FYN: variants seen among roughly 807,000 people sequenced by gnomAD.
The protein encoded by FYN is tyrosine-protein kinase Fyn.
FYN carries 10 observed loss-of-function variants against 70.2 expected under a neutral mutation model. The ratio of observed to expected loss-of-function variants is 0.14; its 90% CI spans 0.09 to 0.24. The LOEUF (loss-of-function observed/expected upper bound fraction) is 0.24, where lower values mean the gene tolerates loss of function less well. Among genes scored for constraint, FYN ranks in the 10% least tolerant of loss-of-function variants. The pLI is 1.00. For synonymous variants in FYN, 236 were observed against 248.6 expected, an observed-to-expected ratio of 0.95 and a Z score of 0.48; for missense variants, 319 against 673.1, an observed-to-expected ratio of 0.47 and a Z score of 5.82.
chr6:111,871,431 T>C (rs546945688), intron 1 of FYN, among the ~76,000 whole-genome samples: 9 of 152,188 alleles, frequency 5.9e-5, no homozygotes, highest in Non-Finnish European at 1.2e-4. Flanking sequence ...AGAAAGGAAG[T>C]AGGCGTCCCA....
At chr6:111,732,912 C>T (rs750412651) in intron 3 of FYN, among the ~76,000 whole-genome samples, 1 of 152,204 alleles carries the variant, frequency 6.6e-6, no homozygotes, top group African/African-American at 2.4e-5. Context: ...GCACCCACCA[C>T]TGACCCCAAC....
chr6:111,830,090 T>C (rs796759739), intron 2 of FYN, among the ~76,000 whole-genome samples: 6 of 152,288 alleles, frequency 3.9e-5, no homozygotes, highest in African/African-American at 1.4e-4. Context: ...ACAGATGGTA[T>C]GGAAAAGTTG....
intron 3 of FYN, among the ~76,000 whole-genome samples, chr6:111,756,296 T>C (rs190231289): frequency 2.6e-5 from 4 of 152,074 alleles, no homozygotes; most frequent in East Asian, 3.9e-4. Context: ...GACAGAAACC[T>C]GAATAGTCTA....
At chr6:111,808,165 G>A (rs895937382) in intron 2 of FYN, among the ~76,000 whole-genome samples, 3 of 152,118 alleles carry the variant, frequency 2.0e-5, no homozygotes, top group African/African-American at 7.2e-5. Context: ...AGTCCCTCTG[G>A]AACCACTCAG....
At chr6:111,792,221 A>C (rs1394649145) in intron 2 of FYN, among the ~76,000 whole-genome samples, 1 of 152,240 alleles carries the variant, frequency 6.6e-6, no homozygotes, top group Non-Finnish European at 1.5e-5. Context: ...AGAAAATCCA[A>C]ATGGCCAATA....
intron 5 of FYN, among the ~76,000 whole-genome samples, chr6:111,713,474 T>C (rs1245259530): frequency 2.0e-5 from 3 of 152,040 alleles, no homozygotes; most frequent in Non-Finnish European, 4.4e-5. Context: ...CTGGGTGGCA[T>C]TCTTTCCCAA....
At chr6:111,814,901 T>G (rs1199979868) in intron 2 of FYN, among the ~76,000 whole-genome samples, 2 of 152,198 alleles carry the variant, frequency 1.3e-5, no homozygotes, top group South Asian at 4.1e-4. Context: ...TCTCAACTTT[T>G]AAAAAAATTG....
At chr6:111,833,645 T>C (rs9487731) in intron 2 of FYN, among the ~76,000 whole-genome samples, 51,789 of 152,144 alleles carry the variant, frequency 0.34, 13,165 homozygotes, top group African/African-American at 0.72. Flanking sequence ...AAAATCTACA[T>C]CCTTCTCTTC....
chr6:111,868,019 T>C (rs1774163995), intron 1 of FYN, among the ~76,000 whole-genome samples: 1 of 152,130 alleles, frequency 6.6e-6, no homozygotes, highest in South Asian at 2.1e-4. Context: ...TGGGCTGTTC[T>C]TTCTGGGACA....
At chr6:111,679,787 T>G (rs1798708130) in intron 12 of FYN, among the ~76,000 whole-genome samples, 1 of 152,016 alleles carries the variant, frequency 6.6e-6, no homozygotes, top group Non-Finnish European at 1.5e-5. Flanking sequence ...AAAGGAAGTG[T>G]GTTCAGATCC....
intron 12 of FYN, among the ~76,000 whole-genome samples, chr6:111,675,834 T>TAAATAAATA (rs1296449227): frequency 8.5e-4 from 128 of 150,708 alleles, no homozygotes; most frequent in African/African-American, 3.0e-3. Flanking sequence ...AATAAATAAA[T>TAAATAAATA]AAATAAAATA....
chr6:111,719,819 G>C lies in FYN; in HGVS notation c.233C>G (p.Thr78Arg), dbSNP rs376255649. The C allele has an allele frequency of 4.8e-5, 78 of 1,613,862 alleles. No homozygotes were observed. Among genetic ancestry groups the C allele is most frequent in the Non-Finnish European group, 6.4e-5 (76 of 1,179,956 alleles). Reference sequence around the variant, plus strand: ...TGGGGGCTTACCTGTTCCTCCTCTCGTACGCAAGGTCCCCGTATGAGACGA... The same window carrying C: ...TGGGGGCTTACCTGTTCCTCCTCTCCTACGCAAGGTCCCCGTATGAGACGA... ...NSSSHTGTLR[T>R]RGGTGVTLFV... Residue 78 changes from threonine (T) to arginine (R), a missense_variant, in exon 4 of 14, where the codon ACG (threonine) becomes AGG (arginine). Around this residue, in one of 4 missense-constraint regions of FYN, gnomAD observed 128 missense variants for 183.9 expected, o/e 0.70. Transcript: ENST00000354650.
chr6:111,662,928 G>C (rs575861436), intron 13 of FYN, among the ~76,000 whole-genome samples: 36 of 152,328 alleles, frequency 2.4e-4, no homozygotes, highest in African/African-American at 8.4e-4. Context: ...GGAAGCTGTT[G>C]AAACACTGGG....
chr6:111,745,425 G>A (rs1802163807), intron 3 of FYN, among the ~76,000 whole-genome samples: 1 of 152,128 alleles, frequency 6.6e-6, no homozygotes, highest in East Asian at 1.9e-4. Flanking sequence ...CTGTGGGAAG[G>A]ACTGGTGAAA....
intron 1 of FYN, among the ~76,000 whole-genome samples, chr6:111,847,127 G>A (rs940334712): frequency 1.3e-5 from 2 of 152,166 alleles, no homozygotes; most frequent in African/African-American, 4.8e-5. Flanking sequence ...AAGCATTTTG[G>A]GGATGGCCCC....
In FYN at chr6:111,694,875, C is replaced by G. The variant is rs567684325; in HGVS notation, c.1043-171G>C. ...AAAGCAGGGTAGAAAAAAGTATAGG[C>G]ATGGAGAAGTAACAGTTACCTTTTA... On this transcript the variant is annotated intron_variant, in intron 10 of 13. Coordinates refer to ENST00000354650, the MANE Select transcript of FYN (RefSeq NM_002037.5). This position sits in a 1 kb window ranked among gnomAD's most constrained non-coding sequence, Gnocchi z 5.0. Among the ~76,000 whole-genome samples the G allele has an allele frequency of 1.3e-4, 20 of 152,254 alleles. No individual in the cohort carries two copies. The South Asian group carries it at 4.1e-3, about 32-fold the overall frequency.
intron 5 of FYN, among the ~76,000 whole-genome samples, chr6:111,711,029 G>T (rs1313565264): frequency 6.6e-6 from 1 of 152,102 alleles, no homozygotes; most frequent in Non-Finnish European, 1.5e-5. Flanking sequence ...TTAAAGACTT[G>T]CTAAAAGATT....
chr6:111,761,104 G>C (rs1802989501), intron 3 of FYN, among the ~76,000 whole-genome samples: 1 of 152,258 alleles, frequency 6.6e-6, no homozygotes. Flanking sequence ...GGCAGGGACA[G>C]GGCCTGACAG....
chr6:111,744,590 G>C lies in FYN; in HGVS notation c.-11-24528C>G, dbSNP rs917140382. On this transcript the variant is annotated intron_variant, in intron 3 of 13. Coordinates refer to ENST00000354650, the MANE Select transcript of FYN (RefSeq NM_002037.5). ...TTGGAACAATCTCCCAGTCTGGTGGGAACACATGGACTCCTATTCTGGTCC... is the reference window on the plus strand; with the variant it reads ...TTGGAACAATCTCCCAGTCTGGTGGCAACACATGGACTCCTATTCTGGTCC... Among the ~76,000 whole-genome samples, 42 of 152,180 alleles carry C rather than the reference G, an allele frequency of 2.8e-4. 1 individual carries two copies. Among genetic ancestry groups the C allele is most frequent in the Admixed American group, 6.5e-4 (10 of 15,284 alleles).
Sources: gnomAD v4.1 joint callset for allele counts (sites outside exome capture counted in the v4.1 genomes callset) on GRCh38, gnomAD v4.1.1 for gene constraint, gnomAD v4.1.1 regional missense constraint, Gnocchi (gnomAD v3.1) non-coding constraint, MANE v1.5 for transcripts, NCBI Gene and HGNC (gene_info 2026-07-23, HGNC 2026-07-21) for gene names.